DENND1A: variants seen among roughly 807,000 people sequenced by gnomAD.
The protein encoded by DENND1A is DENN domain-containing protein 1A.
A neutral mutation model predicts 113.7 loss-of-function variants in DENND1A; 51 were observed. The observed-to-expected ratio is 0.45, with a 90% CI of 0.36 to 0.57. The LOEUF is 0.57. Ranked by LOEUF, DENND1A falls within the 20% of genes least tolerant of loss-of-function variation. The pLI is 0.00. For missense variants in DENND1A, 1,258 were observed against 1,395.9 expected (o/e 0.90, Z 1.57); for synonymous variants, 565 against 570.8 (o/e 0.99, Z 0.14).
intron 2 of DENND1A, among the ~76,000 whole-genome samples, chr9:123,866,674 T>A (rs944887633): frequency 6.6e-6 from 1 of 152,210 alleles, no homozygotes; most frequent in African/African-American, 2.4e-5. Flanking sequence ...TTAAATTACA[T>A]CACCACAAGA....
At chr9:123,503,240 AG>A (rs2052641902) in intron 13 of DENND1A, among the ~76,000 whole-genome samples, 1 of 152,232 alleles carries the variant, frequency 6.6e-6, no homozygotes, top group Admixed American at 6.5e-5. Flanking sequence ...ACCTTGGCAT[AG>A]TCAACTACTC....
chr9:123,592,976 T>C (rs1443933339), intron 11 of DENND1A, among the ~76,000 whole-genome samples: 6 of 152,246 alleles, frequency 3.9e-5, no homozygotes, highest in East Asian at 3.8e-4. Context: ...GTATTAGTTA[T>C]TATTATAAAA....
intron 11 of DENND1A, among the ~76,000 whole-genome samples, chr9:123,601,301 A>G (rs73665312): frequency 9.8e-4 from 149 of 152,366 alleles, no homozygotes; most frequent in African/African-American, 3.5e-3. Flanking sequence ...GATTACATAA[A>G]TTACTGCTAG....
intron 13 of DENND1A, among the ~76,000 whole-genome samples, chr9:123,541,972 G>C (rs1305813439): frequency 6.6e-6 from 1 of 152,208 alleles, no homozygotes; most frequent in Admixed American, 6.5e-5. Flanking sequence ...TGCACACACA[G>C]TGCCTCTCCA....
chr9:123,541,136 G>A (rs993593101), intron 13 of DENND1A, among the ~76,000 whole-genome samples: 1 of 152,184 alleles, frequency 6.6e-6, no homozygotes, highest in African/African-American at 2.4e-5. Flanking sequence ...GTTCACTGCT[G>A]CAATTCCAAG....
chr9:123,924,734 T>TA (rs1464756390), intron 1 of DENND1A, among the ~76,000 whole-genome samples: 2 of 152,168 alleles, frequency 1.3e-5, no homozygotes, highest in Non-Finnish European at 2.9e-5. Flanking sequence ...TTTCGTATCT[T>TA]AAACAGTTTT....
intron 13 of DENND1A, among the ~76,000 whole-genome samples, chr9:123,501,501 T>C (rs72757106): frequency 2.2e-4 from 34 of 152,352 alleles, no homozygotes; most frequent in Admixed American, 5.2e-4. Context: ...TGCAGGATCA[T>C]ATGGCGACTG....
At chr9:123,717,356 G>C (rs1318700955) in intron 5 of DENND1A, among the ~76,000 whole-genome samples, 2 of 152,186 alleles carry the variant, frequency 1.3e-5, no homozygotes, top group Non-Finnish European at 2.9e-5. Flanking sequence ...TATAATGTAT[G>C]TGACTCATTT....
rs1219628428 is a variant in DENND1A, at chr9:123,630,327, A to C, written c.719+49T>G. 3 of 1,278,606 alleles carry C rather than the reference A, an allele frequency of 2.3e-6. No individual in the cohort carries two copies. In the African/African-American group the frequency reaches 4.5e-5, roughly 19 times the overall value. The allele number at this position is 1,278,606 out of a possible 1,614,324, so 79.2% of individuals were successfully genotyped here. A position where few individuals can be genotyped will look rare whatever the true frequency, so the allele number is the denominator to read the frequency against. ...AACAAGTGACACACCTAACACGCCC[A>C]GTCAGATCAGGGCAAAGGAGAAGCA... is the stretch of plus-strand genomic sequence containing the variant. On this transcript the variant is annotated intron_variant, in intron 10 of 23. Coordinates refer to ENST00000394215, the MANE Select transcript of DENND1A (RefSeq NM_001352964.2).
chr9:123,776,847 G>A (rs556400570), intron 3 of DENND1A, among the ~76,000 whole-genome samples: 8 of 152,310 alleles, frequency 5.3e-5, no homozygotes, highest in Admixed American at 1.3e-4. Flanking sequence ...AAATGAGGGG[G>A]AAGTAGGAAA....
At chr9:123,851,284 T>C (rs1843313069) in intron 2 of DENND1A, among the ~76,000 whole-genome samples, 1 of 152,264 alleles carries the variant, frequency 6.6e-6, no homozygotes, top group Admixed American at 6.5e-5. Context: ...TCAGAAAGTA[T>C]GTACTCTTTT....
chr9:123,657,032 C>G (rs909103459), intron 8 of DENND1A, among the ~76,000 whole-genome samples: 7 of 152,334 alleles, frequency 4.6e-5, no homozygotes, highest in African/African-American at 1.7e-4. Flanking sequence ...AGCACAGCTA[C>G]AAAGCTATCC....
intron 21 of DENND1A, among the ~76,000 whole-genome samples, chr9:123,393,881 C>A (rs2042978871): frequency 6.6e-6 from 1 of 152,196 alleles, no homozygotes; most frequent in Non-Finnish European, 1.5e-5. Context: ...GTGTGAGATA[C>A]CAGGTCCTTC....
chr9:123,901,129 A>G (rs759806408), intron 1 of DENND1A, among the ~76,000 whole-genome samples: 1 of 152,358 alleles, frequency 6.6e-6, no homozygotes, highest in South Asian at 2.1e-4. Context: ...GATTTTAAGC[A>G]GTCAACTGAC....
At chr9:123,714,194 A>T (rs2140999683) in intron 5 of DENND1A, among the ~76,000 whole-genome samples, 1 of 152,342 alleles carries the variant, frequency 6.6e-6, no homozygotes, top group Middle Eastern at 3.4e-3. Flanking sequence ...GTCCTCTCAC[A>T]TTGCAGCTAA....
At chr9:123,523,287 T>C (rs144785564) in intron 13 of DENND1A, among the ~76,000 whole-genome samples, 87 of 152,284 alleles carry the variant, frequency 5.7e-4, no homozygotes, top group African/African-American at 2.0e-3. Context: ...CAGCATGCCA[T>C]GTGCTCTGCT....
intron 13 of DENND1A, among the ~76,000 whole-genome samples, chr9:123,458,554 G>A (rs985760581): frequency 5.3e-5 from 8 of 152,086 alleles, no homozygotes; most frequent in Non-Finnish European, 7.4e-5. Flanking sequence ...ATCCCCTTCC[G>A]TACCCCAAGG....
chr9:123,448,447 T>C (rs901517888), intron 18 of DENND1A, among the ~76,000 whole-genome samples: 8 of 152,200 alleles, frequency 5.3e-5, no homozygotes, highest in Admixed American at 2.6e-4. Context: ...ATGGGGCCTT[T>C]GCCTGAGGAG....
intron 13 of DENND1A, among the ~76,000 whole-genome samples, chr9:123,489,426 G>A (rs1228906501): frequency 2.0e-5 from 3 of 152,338 alleles, no homozygotes; most frequent in East Asian, 3.9e-4. Flanking sequence ...TTCGGCAAGA[G>A]CAATGAGAAA....
Sources: allele counts gnomAD v4.1 joint callset (sites outside exome capture counted in the v4.1 genomes callset), GRCh38; gene constraint gnomAD v4.1.1; transcripts MANE v1.5; gene names NCBI Gene and HGNC (gene_info 2026-07-23, HGNC 2026-07-21).